LSAMP: variants seen among roughly 807,000 people sequenced by gnomAD.
LSAMP encodes the protein limbic system-associated membrane protein.
Under a neutral mutation model 38.6 loss-of-function variants are expected in LSAMP, and 7 were observed. The ratio of observed to expected loss-of-function variants is 0.18; its 90% CI spans 0.10 to 0.34. LSAMP has a LOEUF of 0.34. LSAMP is among the 10% of genes least tolerant of loss of function. The pLI is 1.00. For synonymous variants in LSAMP, 154 were observed against 166.8 expected (o/e 0.92, Z 0.59); for missense variants, 313 against 420.0 (o/e 0.75, Z 2.23).
intron 2 of LSAMP, among the ~76,000 whole-genome samples, chr3:116,026,155 C>A (rs1940787270): frequency 6.6e-6 from 1 of 152,052 alleles, no homozygotes; most frequent in African/African-American, 2.4e-5. Context: ...CTAGGTGCAC[C>A]TAATAATATA....
intron 1 of LSAMP, among the ~76,000 whole-genome samples, chr3:116,152,280 G>T (rs565831302): frequency 6.6e-6 from 1 of 152,270 alleles, no homozygotes; most frequent in South Asian, 2.1e-4. Context: ...CCTTCTAGGT[G>T]CTTTCCACGT....
At chr3:116,008,428 T>C (rs1940228763) in intron 3 of LSAMP, among the ~76,000 whole-genome samples, 1 of 152,208 alleles carries the variant, frequency 6.6e-6, no homozygotes, top group Non-Finnish European at 1.5e-5. Context: ...ATTATCTCAT[T>C]TGATCCCTGA....
intron 1 of LSAMP, among the ~76,000 whole-genome samples, chr3:116,146,339 C>T (rs567397889): frequency 7.9e-5 from 12 of 152,012 alleles, no homozygotes; most frequent in South Asian, 4.1e-4. Context: ...ATTTCTATTT[C>T]GTACCTTTGA....
At chr3:115,991,939 C>T (rs1939681952) in intron 3 of LSAMP, among the ~76,000 whole-genome samples, 1 of 152,042 alleles carries the variant, frequency 6.6e-6, no homozygotes, top group Admixed American at 6.6e-5. Context: ...CTGGAACTAC[C>T]TTCTTTTCCC....
chr3:116,442,789 G>A (rs544773221), intron 1 of LSAMP, among the ~76,000 whole-genome samples: 44 of 152,244 alleles, frequency 2.9e-4, no homozygotes, highest in African/African-American at 9.9e-4. Flanking sequence ...TTTTCTCTCA[G>A]AGTCCCTATT....
At chr3:116,397,938 ACT>A (rs2048790123) in intron 1 of LSAMP, among the ~76,000 whole-genome samples, 1 of 151,894 alleles carries the variant, frequency 6.6e-6, no homozygotes, top group African/African-American at 2.4e-5. Context: ...CCTGCCTTCC[ACT>A]TGAGTGCTTT....
Position 115,808,604 on chromosome 3 carries a change from AT to A in LSAMP, c.*1712del, listed in dbSNP as rs1933705477. 1 of 152,232 alleles carries A rather than the reference AT, an allele frequency of 6.6e-6. No individual in the cohort carries two copies. Among genetic ancestry groups the A allele is most frequent in the Non-Finnish European group, 1.5e-5 (1 of 68,044 alleles). 9.4% of individuals were successfully genotyped at this position (152,232 alleles called of 1,614,324 possible). A position where few individuals can be genotyped will look rare whatever the true frequency, so the allele number is the denominator to read the frequency against. On this transcript the variant is annotated 3_prime_UTR_variant, in exon 7 of 7. Coordinates refer to ENST00000490035, the MANE Select transcript of LSAMP (RefSeq NM_002338.5). ...GTCAAGATGACTCTTATAGATGTAA[AT>A]TTAAATAGAGCAGGGAAGATGAATA...
At chr3:116,439,540 A>T (rs2049403157) in intron 1 of LSAMP, among the ~76,000 whole-genome samples, 2 of 348 alleles carry the variant, frequency 5.7e-3, no homozygotes. Flanking sequence ...CACTGGCCTA[A>T]AAAAAAAGAA....
intron 3 of LSAMP, among the ~76,000 whole-genome samples, chr3:115,932,591 A>G (rs560051716): frequency 1.3e-5 from 2 of 152,228 alleles, no homozygotes; most frequent in Non-Finnish European, 2.9e-5. Flanking sequence ...AGATGATCAC[A>G]TAGATTTTTT....
intron 1 of LSAMP, among the ~76,000 whole-genome samples, chr3:116,230,893 G>T (rs1251524651): frequency 6.6e-6 from 1 of 152,188 alleles, no homozygotes; most frequent in Non-Finnish European, 1.5e-5. Flanking sequence ...AAAAGGAGGG[G>T]TAAAGGAAGG....
chr3:116,209,745 T>A (rs879812753), intron 1 of LSAMP, among the ~76,000 whole-genome samples: 11 of 151,538 alleles, frequency 7.3e-5, no homozygotes, highest in Non-Finnish European at 1.0e-4. Flanking sequence ...TTATTTATTA[T>A]TTATTTATTT....
intron 1 of LSAMP, among the ~76,000 whole-genome samples, chr3:116,258,404 T>A (rs754298999): frequency 6.6e-6 from 1 of 152,088 alleles, no homozygotes; most frequent in African/African-American, 2.4e-5. Flanking sequence ...TTAAATCAGT[T>A]AATAATTTCC....
chr3:116,019,695 T>C (rs536593529), intron 2 of LSAMP, 55 bp from the exon 3 acceptor site: 4 of 1,584,150 alleles, frequency 2.5e-6, no homozygotes, highest in East Asian at 2.3e-5. Context: ...ATTAGGCTTG[T>C]AGCCATACAA....
intron 1 of LSAMP, among the ~76,000 whole-genome samples, chr3:116,142,593 T>G (rs1047790678): frequency 6.6e-6 from 1 of 152,052 alleles, no homozygotes; most frequent in Non-Finnish European, 1.5e-5. Context: ...AGTTTTCTTT[T>G]TAGGGACCAT....
chr3:116,306,697 AC>A (rs1317098046), intron 1 of LSAMP, among the ~76,000 whole-genome samples: 1 of 152,064 alleles, frequency 6.6e-6, no homozygotes, highest in East Asian at 1.9e-4. Context: ...GAACTATAAA[AC>A]AAAAGTCATA....
intron 1 of LSAMP, among the ~76,000 whole-genome samples, chr3:116,342,370 A>G (rs1441150139): frequency 1.3e-5 from 2 of 152,020 alleles, no homozygotes; most frequent in African/African-American, 4.8e-5. Flanking sequence ...ATCTCTAGGA[A>G]CTTTCCTCTT....
intron 6 of LSAMP, among the ~76,000 whole-genome samples, chr3:115,821,357 G>A (rs1020059493): frequency 3.3e-5 from 5 of 152,194 alleles, no homozygotes; most frequent in African/African-American, 1.2e-4. Flanking sequence ...AAGAATTGAC[G>A]TTTAGTGCTT....
At chr3:115,943,030 A>G (rs767488643) in intron 3 of LSAMP, among the ~76,000 whole-genome samples, 10 of 152,236 alleles carry the variant, frequency 6.6e-5, no homozygotes, top group Non-Finnish European at 1.2e-4. Flanking sequence ...TACGTTAAGA[A>G]GAACTCAGAT....
At chr3:115,842,353 G>T (rs2107505051) in intron 5 of LSAMP, 105 bp downstream of exon 5, 1 of 1,409,318 alleles carries the variant, frequency 7.1e-7, no homozygotes, top group Non-Finnish European at 9.6e-7. Context: ...TGAGAATATA[G>T]TTCTACATAA....
Sources: gnomAD v4.1 joint callset for allele counts (sites outside exome capture counted in the v4.1 genomes callset) on GRCh38, gnomAD v4.1.1 for gene constraint, MANE v1.5 for transcripts, NCBI Gene and HGNC (gene_info 2026-07-23, HGNC 2026-07-21) for gene names.